The following PRKCH variants were observed in gnomAD, a reference collection of about 807,000 sequenced individuals.
The protein encoded by PRKCH is protein kinase C eta type.
PRKCH carries 28 observed loss-of-function variants against 82.5 expected under a neutral mutation model. The observed-to-expected ratio is 0.34, with a 90% CI of 0.25 to 0.47. PRKCH has a LOEUF of 0.47. Ranked by LOEUF, PRKCH falls within the 20% of genes least tolerant of loss-of-function variation. PRKCH has a pLI of 1.00. For missense variants in PRKCH, 705 were observed against 881.8 expected (o/e 0.80, Z 2.54); for synonymous variants, 322 against 327.4 (o/e 0.98, Z 0.18).
At chr14:61,278,845 A>G (rs1053658781) in intron 1 of PRKCH, 1 of 152,234 alleles carries the variant, frequency 6.6e-6, no homozygotes, top group Admixed American at 6.5e-5. Context: ...TCTAGTTTAC[A>G]TATAAGACTA....
At chr14:61,314,529 G>T (rs1261640929) in intron 1 of PRKCH, among the ~76,000 whole-genome samples, 1 of 152,158 alleles carries the variant, frequency 6.6e-6, no homozygotes, top group Non-Finnish European at 1.5e-5. Context: ...AGGCTGTCTG[G>T]GCAGTTGTCA....
chr14:61,540,733 C>G (rs190445362), intron 12 of PRKCH, among the ~76,000 whole-genome samples: 1 of 152,208 alleles, frequency 6.6e-6, no homozygotes, highest in Non-Finnish European at 1.5e-5. Context: ...CCTTCTCAAA[C>G]CAGTCTGGAT....
At chr14:61,509,125 G>A (rs546868339) in intron 10 of PRKCH, among the ~76,000 whole-genome samples, 3 of 152,244 alleles carry the variant, frequency 2.0e-5, no homozygotes, top group South Asian at 4.1e-4. Context: ...AGAGGCCCCC[G>A]AATCCTGCCA....
In PRKCH at chr14:61,210,754, T is replaced by TTCTCTCTCTC. The variant is rs57385240; in HGVS notation, c.-19+23114_-19+23123dup. Among the ~76,000 whole-genome samples, 283 of 144,404 alleles carry TTCTCTCTCTC rather than the reference T, an allele frequency of 2.0e-3. 2 individuals are homozygous for TTCTCTCTCTC. The highest frequency in any genetic ancestry group is 6.7e-3 in the African/African-American group (259 of 38,524). The allele number at this position is 144,404 out of a possible 152,430, so 94.7% of individuals were successfully genotyped here. ...TCACATTAAATAGGCCAAGAGTCCT[T>TTCTCTCTCTC]TCTCTCTCTCTCTCTCTCTCTCTCT... On this transcript the variant is annotated intron_variant, in intron 1 of 3. Coordinates refer to the PRKCH transcript ENST00000555185.
intron 1 of PRKCH, among the ~76,000 whole-genome samples, chr14:61,335,204 TA>T (rs1441106656): frequency 2.6e-5 from 4 of 152,038 alleles, no homozygotes; most frequent in East Asian, 3.8e-4. Context: ...GAAAGTTTCT[TA>T]GGGGTGGGGT....
rs1369711267 is a variant in PRKCH, at chr14:61,299,558, C to G, written c.-19+111890C>G. Among the ~76,000 whole-genome samples the G allele has an allele frequency of 2.0e-5, 3 of 152,222 alleles. No homozygotes were observed. In the East Asian group the frequency reaches 5.8e-4, roughly 29 times the overall value. The stretch of plus-strand genomic sequence containing the variant: ...TTTAGAGAAACAGTGTAACAACCAC[C>G]TGACCATCACTTGATGTTGGCCTGA... On this transcript the variant is annotated intron_variant, in intron 1 of 3. Coordinates refer to the PRKCH transcript ENST00000555185.
intron 6 of PRKCH, chr14:61,452,816 T>G (rs1377062930): frequency 4.8e-6 from 1 of 210,182 alleles, no homozygotes; most frequent in African/African-American, 2.4e-5. Context: ...AACTGCTACC[T>G]TTTATTTCAC....
chr14:61,540,611 G>T, intron 12 of PRKCH, among the ~76,000 whole-genome samples: 1 of 152,330 alleles, frequency 6.6e-6, no homozygotes, highest in Non-Finnish European at 1.5e-5. Flanking sequence ...TAATGCCTAT[G>T]CAACAAAGGA....
chr14:61,329,323 G>A (rs1307252003), intron 1 of PRKCH, among the ~76,000 whole-genome samples: 3 of 125,734 alleles, frequency 2.4e-5, no homozygotes, highest in African/African-American at 8.9e-5. Flanking sequence ...TTCAACCTCC[G>A]CCTCCCAGGT....
intron 1 of PRKCH, among the ~76,000 whole-genome samples, chr14:61,253,917 T>C (rs1252618769): frequency 1.3e-5 from 2 of 151,856 alleles, no homozygotes; most frequent in African/African-American, 2.4e-5. Context: ...TTATTAAAGG[T>C]GAGGTAAACA....
intron 1 of PRKCH, among the ~76,000 whole-genome samples, chr14:61,228,402 T>C (rs1258567520): frequency 2.6e-5 from 4 of 152,172 alleles, no homozygotes; most frequent in Non-Finnish European, 5.9e-5. Context: ...TGAGCCCTCC[T>C]CCCTCCTCAT....
At chr14:61,198,383 G>C (rs2044455941) in intron 1 of PRKCH, among the ~76,000 whole-genome samples, 1 of 152,088 alleles carries the variant, frequency 6.6e-6, no homozygotes, top group Non-Finnish European at 1.5e-5. Context: ...TATGTACACT[G>C]TTTCCTCTGT....
intron 10 of PRKCH, among the ~76,000 whole-genome samples, chr14:61,512,232 C>T (rs1887409266): frequency 6.9e-6 from 1 of 145,154 alleles, no homozygotes; most frequent in African/African-American, 2.6e-5. Flanking sequence ...TGAAACTGGG[C>T]AGATGATCAC....
intron 1 of PRKCH, among the ~76,000 whole-genome samples, chr14:61,378,365 A>G (rs530975178): frequency 1.4e-4 from 21 of 151,872 alleles, no homozygotes; most frequent in African/African-American, 5.1e-4. Context: ...AGCATGTACC[A>G]CCACATCTGG....
At chr14:61,538,680 T>C (rs1358812035) in intron 12 of PRKCH, among the ~76,000 whole-genome samples, 2 of 152,244 alleles carry the variant, frequency 1.3e-5, no homozygotes, top group African/African-American at 2.4e-5. Flanking sequence ...TGCTAACCGG[T>C]GTCTGTGGGT....
At chr14:61,372,743 A>G (rs1224652927) in intron 1 of PRKCH, among the ~76,000 whole-genome samples, 4 of 152,028 alleles carry the variant, frequency 2.6e-5, no homozygotes, top group Admixed American at 2.6e-4. Flanking sequence ...TTCTCATGTC[A>G]TAGTCTGCAT....
At chr14:61,505,178 A>G (rs562330207) in intron 10 of PRKCH, among the ~76,000 whole-genome samples, 4 of 152,244 alleles carry the variant, frequency 2.6e-5, no homozygotes, top group East Asian at 3.9e-4. Context: ...TTGGACTACT[A>G]TGACAGAACA....
chr14:61,510,109 G>A (rs1254647149), intron 10 of PRKCH, among the ~76,000 whole-genome samples: 1 of 152,142 alleles, frequency 6.6e-6, no homozygotes, highest in Admixed American at 6.5e-5. Context: ...GGAATCATGA[G>A]GACTCGGTAT....
At position 61,504,554 on chromosome 14, in the gene PRKCH, C is replaced by CT. The variant is rs1339192574; in HGVS notation, c.1433+18906dup. On this transcript the variant is annotated intron_variant, in intron 10 of 13. Transcript: ENST00000332981. ...ATACAAAGAGGTGTCTGCATTTCTA[C>CT]TTTTTTTTCTTTAAGATGGTAGAAC... Among the ~76,000 whole-genome samples, 3 of 152,026 alleles carry CT rather than the reference C, an allele frequency of 2.0e-5. No individual in the cohort carries two copies. In the East Asian group the frequency reaches 5.8e-4, roughly 29 times the overall value.
Sources: allele counts gnomAD v4.1 joint callset (sites outside exome capture counted in the v4.1 genomes callset), GRCh38; gene constraint gnomAD v4.1.1; transcripts MANE v1.5; gene names NCBI Gene and HGNC (gene_info 2026-07-23, HGNC 2026-07-21).